SPEM3: variants seen among roughly 807,000 people sequenced by gnomAD.
The protein encoded by SPEM3 is SPEM family member 3.
In SPEM3 at chr17:7,431,400, C is replaced by T. The variant is rs1907827956; in HGVS notation, c.2229C>T (p.Asp743=). Residue 743 remains aspartate (D), a synonymous_variant, in exon 3 of 3, where the codon GAC becomes GAT. Coordinates refer to ENST00000636696, the MANE Select transcript of SPEM3 (RefSeq NM_001364708.1). Reference sequence around the variant, plus strand: ...GCCAGAATCCAAGCCCTTCTCAAGACTTTGGTCTTCACAAGAATTCAGGCA... The same window carrying T: ...GCCAGAATCCAAGCCCTTCTCAAGATTTTGGTCTTCACAAGAATTCAGGCA... The part of the protein sequence containing the change: ...YLCQNPSPSQ[D]FGLHKNSGIT... The T allele has an allele frequency of 5.0e-6, 2 of 398,568 alleles. No homozygotes were observed. The highest frequency in any genetic ancestry group is 7.1e-5 in the East Asian group (2 of 28,070). 24.7% of individuals were successfully genotyped at this position (398,568 alleles called of 1,614,324 possible). A position where few individuals can be genotyped will look rare whatever the true frequency, so the allele number is the denominator to read the frequency against.
chr17:7,431,884 T>C lies in SPEM3; in HGVS notation c.2713T>C (p.Cys905Arg). Reference protein sequence around the residue: ...GLVQTSGLPKCSGLTQNSGDY... With the variant: ...GLVQTSGLPKRSGLTQNSGDY... ...TGTCCAAACCTCTGGCCTCCCAAAG[T>C]GCTCAGGCCTTACCCAAAACTCAGG... The change falls in exon 3 of 3, where the codon TGC becomes CGC. Residue 905 changes from cysteine to arginine, a missense_variant. By Grantham distance (180) the Cys-to-Arg change is radical. Transcript: ENST00000636696. The C allele has an allele frequency of 2.5e-6, 1 of 397,974 alleles. No individual in the cohort carries two copies. The highest frequency in any genetic ancestry group is 4.4e-6 in the Non-Finnish European group (1 of 225,890). 24.7% of individuals were successfully genotyped at this position (397,974 alleles called of 1,614,324 possible).
Position 7,429,305 on chromosome 17 carries a change from C to T in SPEM3, c.196+58C>T. 5.0e-6 allele frequency: 2 copies of T among 398,560 alleles called. No homozygotes were observed. Among genetic ancestry groups the T allele is most frequent in the Non-Finnish European group, 8.8e-6 (2 of 226,048 alleles). The allele number at this position is 398,560 out of a possible 1,614,324, so 24.7% of individuals were successfully genotyped here. On this transcript the variant is annotated intron_variant, in intron 2 of 2. Coordinates refer to ENST00000636696, the MANE Select transcript of SPEM3 (RefSeq NM_001364708.1). The surrounding 1 kb of genome is among the most constrained non-coding windows in gnomAD (Gnocchi z 4.9). Reference sequence around the variant, plus strand: ...ATGGGCCTGTCCCCTTTCTCCTATCCCTGGCCCAGTTCTTAGTCCCTAGGG... The same window carrying T: ...ATGGGCCTGTCCCCTTTCTCCTATCTCTGGCCCAGTTCTTAGTCCCTAGGG...
Position 7,432,411 on chromosome 17 carries a change from C to G in SPEM3, c.3240C>G (p.Ser1080=). The G allele has an allele frequency of 2.5e-6, 1 of 398,666 alleles. No individual in the cohort carries two copies. Among genetic ancestry groups the G allele is most frequent in the Non-Finnish European group, 4.4e-6 (1 of 226,086 alleles). 24.7% of individuals were successfully genotyped at this position (398,666 alleles called of 1,614,324 possible). ...RVQLNENSCP[S]KAQVVSNDLQ... The stretch of plus-strand genomic sequence containing the variant: ...AACTCAATGAGAACTCCTGCCCTTC[C>G]AAGGCCCAAGTGGTCTCCAATGACC... Residue 1080 remains serine, a synonymous_variant, in exon 3 of 3, where the codon TCC becomes TCG. Transcript: ENST00000636696. The surrounding 1 kb of genome is among the most constrained non-coding windows in gnomAD (Gnocchi z 4.1).
At position 7,431,641 on chromosome 17, in the gene SPEM3, C is replaced by G; in HGVS notation, c.2470C>G (p.Leu824Val). Residue 824 changes from leucine to valine, a missense_variant, in exon 3 of 3, where the codon CTC becomes GTC. By Grantham distance (32) the Leu-to-Val change is conservative. Coordinates refer to ENST00000636696, the MANE Select transcript of SPEM3 (RefSeq NM_001364708.1). ...QETVIYKNQDLSQATDHQKNL... is the reference protein window; with the variant it reads ...QETVIYKNQDVSQATDHQKNL... The stretch of plus-strand genomic sequence containing the variant: ...GACTGTGATCTACAAAAATCAAGAT[C>G]TCTCCCAAGCAACTGACCACCAAAA... 2.5e-6 allele frequency: 1 copy of G among 398,586 alleles called. No homozygotes were observed. Among genetic ancestry groups the G allele is most frequent in the Non-Finnish European group, 4.4e-6 (1 of 226,062 alleles). The allele number at this position is 398,586 out of a possible 1,614,324, so 24.7% of individuals were successfully genotyped here.
In SPEM3 at chr17:7,430,680, T is replaced by G. The variant is rs535252816; in HGVS notation, c.1509T>G (p.Asp503Glu). The G allele has an allele frequency of 5.0e-6, 2 of 398,648 alleles. No individual in the cohort carries two copies. The highest frequency in any genetic ancestry group is 4.1e-5 in the African/African-American group (2 of 48,720). The allele number at this position is 398,648 out of a possible 1,614,324, so 24.7% of individuals were successfully genotyped here. A position where few individuals can be genotyped will look rare whatever the true frequency, so the allele number is the denominator to read the frequency against. ...ISEQTKQCSGDSAKLPAGSIL... is the reference protein window; with the variant it reads ...ISEQTKQCSGESAKLPAGSIL... Reference sequence around the variant, plus strand: ...AGCAAACAAAGCAATGCAGTGGGGATAGTGCCAAGCTTCCTGCAGGATCCA... The same window carrying G: ...AGCAAACAAAGCAATGCAGTGGGGAGAGTGCCAAGCTTCCTGCAGGATCCA... The change falls in exon 3 of 3, where the codon GAT (aspartate) becomes GAG (glutamate). Residue 503 changes from aspartate (D) to glutamate (E), a missense_variant. Coordinates refer to ENST00000636696, the MANE Select transcript of SPEM3 (RefSeq NM_001364708.1).
Position 7,432,520 on chromosome 17 carries a change from C to T in SPEM3, c.3349C>T (p.Pro1117Ser). Residue 1117 changes from proline to serine, a missense_variant, in exon 3 of 3, where the codon CCT becomes TCT. By Grantham distance (74) the Pro-to-Ser change is moderately conservative (BLOSUM62 -1). Transcript: ENST00000636696. This position sits in a 1 kb window ranked among gnomAD's most constrained non-coding sequence, Gnocchi z 4.1. ...AGGCAGCCAGCACGGGGCGTACCGC[C>T]CTGTGGATACAGTTCCTTCAGGCTA... The part of the protein sequence containing the change: ...RAGSQHGAYR[P>S]VDTVPSGYQN... The T allele has an allele frequency of 2.5e-6, 1 of 398,720 alleles. No individual in the cohort carries two copies. Among genetic ancestry groups the T allele is most frequent in the Non-Finnish European group, 4.4e-6 (1 of 226,108 alleles). The allele number at this position is 398,720 out of a possible 1,614,324, so 24.7% of individuals were successfully genotyped here.
Position 7,430,038 on chromosome 17 carries a change from G to A in SPEM3, c.867G>A (p.Pro289=), listed in dbSNP as rs545790949. 1.8e-3 allele frequency: 716 copies of A among 407,128 alleles called. 8 individuals are homozygous for A. Among genetic ancestry groups the A allele is most frequent in the Non-Finnish European group, 2.7e-4 (62 of 233,236 alleles). The allele number at this position is 407,128 out of a possible 1,614,324, so 25.2% of individuals were successfully genotyped here. Residue 289 remains proline, a synonymous_variant, in exon 3 of 3, where the codon CCG becomes CCA. Coordinates refer to ENST00000636696, the MANE Select transcript of SPEM3 (RefSeq NM_001364708.1). ...AAGCTCACACCCCAGCCCCTACACC[G>A]GCCAAGGCCTCAGCTCACACTAAAG... ...HIQAHTPAPT[P]AKASAHTKAH...
rs1907799385 is a variant in SPEM3, at chr17:7,430,539, A to G, written c.1368A>G (p.Glu456=). 1 of 398,818 alleles carries G rather than the reference A, an allele frequency of 2.5e-6. No individual in the cohort carries two copies. The highest frequency in any genetic ancestry group is 1.3e-4 in the South Asian group (1 of 7,884). 24.7% of individuals were successfully genotyped at this position (398,818 alleles called of 1,614,324 possible). A position where few individuals can be genotyped will look rare whatever the true frequency, so the allele number is the denominator to read the frequency against. Residue 456 remains glutamate, a synonymous_variant, in exon 3 of 3, where the codon GAA becomes GAG. Coordinates refer to ENST00000636696, the MANE Select transcript of SPEM3 (RefSeq NM_001364708.1). ...ATGTGGTCTATGATGCCCGCAGGGA[A>G]AAGCAGAATTTCTTCCATATGTCCA... ...TGHVVYDARR[E]KQNFFHMSSP...
chr17:7,429,999 G>A lies in SPEM3; in HGVS notation c.828G>A (p.Thr276=), dbSNP rs942071447. 1.1e-4 allele frequency: 46 copies of A among 406,016 alleles called. No homozygotes were observed. The highest frequency in any genetic ancestry group is 1.8e-4 in the South Asian group (2 of 11,382). 25.2% of individuals were successfully genotyped at this position (406,016 alleles called of 1,614,324 possible). A position where few individuals can be genotyped will look rare whatever the true frequency, so the allele number is the denominator to read the frequency against. ...AHTSAPTPAQ[T]PAHIQAHTPA... ...CCTCAGCCCCTACCCCAGCTCAGAC[G>A]CCAGCCCACATCCAAGCTCACACCC... Residue 276 remains threonine (T), a synonymous_variant, in exon 3 of 3, where the codon ACG becomes ACA. Coordinates refer to ENST00000636696, the MANE Select transcript of SPEM3 (RefSeq NM_001364708.1). This position sits in a 1 kb window ranked among gnomAD's most constrained non-coding sequence, Gnocchi z 4.9.
rs1907869449 is a variant in SPEM3 at position 7,432,696 on chromosome 17, G to A, written c.3525G>A (p.Arg1175=). The change falls in exon 3 of 3, where the codon AGG becomes AGA. Residue 1175 remains arginine, a synonymous_variant. Transcript: ENST00000636696. The surrounding 1 kb of genome is among the most constrained non-coding windows in gnomAD (Gnocchi z 4.1). ...ACAAGTGTGAAGCTCTGTCTCCTAG[G>A]CGCCTTCATCAAGAGGCACCCAGCA... ...GKDKCEALSP[R]RLHQEAPSNS... 1 of 398,548 alleles carries A rather than the reference G, an allele frequency of 2.5e-6. No homozygotes were observed. The highest frequency in any genetic ancestry group is 4.4e-5 in the Admixed American group (1 of 22,714). 24.7% of individuals were successfully genotyped at this position (398,548 alleles called of 1,614,324 possible).
At position 7,431,531 on chromosome 17, in the gene SPEM3, C is replaced by T. The variant is rs1418715510; in HGVS notation, c.2360C>T (p.Pro787Leu). 5 of 398,444 alleles carry T rather than the reference C, an allele frequency of 1.3e-5. No individual in the cohort carries two copies. Among genetic ancestry groups the T allele is most frequent in the African/African-American group, 8.2e-5 (4 of 48,612 alleles). 24.7% of individuals were successfully genotyped at this position (398,444 alleles called of 1,614,324 possible). ...TQSPGLHKKTPFTQTSDLQRS... is the reference protein window; with the variant it reads ...TQSPGLHKKTLFTQTSDLQRS... Reference sequence around the variant, plus strand: ...TCCCCTGGCCTCCACAAGAAAACACCATTTACCCAAACTTCTGATCTTCAG... The same window carrying T: ...TCCCCTGGCCTCCACAAGAAAACACTATTTACCCAAACTTCTGATCTTCAG... Residue 787 changes from proline to leucine, a missense_variant, in exon 3 of 3, where the codon CCA becomes CTA. Transcript: ENST00000636696.
At position 7,430,997 on chromosome 17, in the gene SPEM3, C is replaced by T; in HGVS notation, c.1826C>T (p.Pro609Leu). ...GTTCCTCCCAGATCCTTTGTCCCTC[C>T]TCAACCCACCAACCATCAGAGGCCT... ...PLVPPRSFVP[P>L]QPTNHQRPST... The change falls in exon 3 of 3, where the codon CCT becomes CTT. Residue 609 changes from proline to leucine, a missense_variant. Physicochemically the swap from Pro to Leu is moderately conservative, Grantham distance 98 (BLOSUM62 -3). Transcript: ENST00000636696. 2.5e-6 allele frequency: 1 copy of T among 398,962 alleles called. No individual in the cohort carries two copies. Among genetic ancestry groups the T allele is most frequent in the Non-Finnish European group, 4.4e-6 (1 of 226,298 alleles). 24.7% of individuals were successfully genotyped at this position (398,962 alleles called of 1,614,324 possible).
At position 7,432,797 on chromosome 17, in the gene SPEM3, T is replaced by C. The variant is rs1366625947; in HGVS notation, c.*35T>C. The C allele has an allele frequency of 5.0e-6, 2 of 398,256 alleles. No homozygotes were observed. Among genetic ancestry groups the C allele is most frequent in the Non-Finnish European group, 8.8e-6 (2 of 226,078 alleles). The allele number at this position is 398,256 out of a possible 1,614,324, so 24.7% of individuals were successfully genotyped here. Reference sequence around the variant, plus strand: ...TGGACAAAGAGGGGACAAAAGTGCATCAGGAATAAAGAGGCGAGAGAAATG... The same window carrying C: ...TGGACAAAGAGGGGACAAAAGTGCACCAGGAATAAAGAGGCGAGAGAAATG... On this transcript the variant is annotated 3_prime_UTR_variant, in exon 3 of 3. Transcript: ENST00000636696. The surrounding 1 kb of genome is among the most constrained non-coding windows in gnomAD (Gnocchi z 4.1).
chr17:7,431,926 G>T lies in SPEM3; in HGVS notation c.2755G>T (p.Gly919Ter). The change falls in exon 3 of 3, where the codon GGA (glycine) becomes TGA (stop). Residue 919 changes from glycine (G) to a stop codon, truncating the protein, a stop_gained. Transcript: ENST00000636696. LOFTEE classifies it low-confidence loss of function (END_TRUNC). ...AAACTCAGGAGACTACAAGAATCCA[G>T]GACTTATCCAAGATTGTGGTGGCCA... ...TQNSGDYKNP[G>*]LIQDCGGHKV... 5.0e-6 allele frequency: 2 copies of T among 398,350 alleles called. No individual in the cohort carries two copies. Among genetic ancestry groups the T allele is most frequent in the Non-Finnish European group, 4.4e-6 (1 of 226,032 alleles). The allele number at this position is 398,350 out of a possible 1,614,324, so 24.7% of individuals were successfully genotyped here. A position where few individuals can be genotyped will look rare whatever the true frequency, so the allele number is the denominator to read the frequency against.
rs989932021 is a variant in SPEM3, at chr17:7,429,608, C to T, written c.437C>T (p.Ala146Val). ...PRESARGLYKAGMMGGGEAPQ... is the reference protein window; with the variant it reads ...PRESARGLYKVGMMGGGEAPQ... ...GAGTCTGCACGGGGACTGTACAAGG[C>T]GGGGATGATGGGCGGGGGAGAAGCC... Residue 146 changes from alanine (A) to valine (V), a missense_variant, in exon 3 of 3, where the codon GCG (alanine) becomes GTG (valine). Coordinates refer to ENST00000636696, the MANE Select transcript of SPEM3 (RefSeq NM_001364708.1). This position sits in a 1 kb window ranked among gnomAD's most constrained non-coding sequence, Gnocchi z 4.9. The T allele has an allele frequency of 2.5e-6, 1 of 398,810 alleles. No homozygotes were observed. The highest frequency in any genetic ancestry group is 4.4e-6 in the Non-Finnish European group (1 of 226,266). 24.7% of individuals were successfully genotyped at this position (398,810 alleles called of 1,614,324 possible).
chr17:7,430,146 C>T lies in SPEM3; in HGVS notation c.975C>T (p.His325=), dbSNP rs1364833286. 1.9e-5 allele frequency: 8 copies of T among 419,774 alleles called. No individual in the cohort carries two copies. Among genetic ancestry groups the T allele is most frequent in the African/African-American group, 6.2e-5 (3 of 48,614 alleles). The allele number at this position is 419,774 out of a possible 1,614,324, so 26.0% of individuals were successfully genotyped here. A position where few individuals can be genotyped will look rare whatever the true frequency, so the allele number is the denominator to read the frequency against. The change falls in exon 3 of 3, where the codon CAC becomes CAT. Residue 325 remains histidine (H), a synonymous_variant. Coordinates refer to ENST00000636696, the MANE Select transcript of SPEM3 (RefSeq NM_001364708.1). ...YTHSQAHSPE[H]TSAHSPAQAP... is the part of the protein sequence containing the mutation. The stretch of plus-strand genomic sequence containing the variant: ...ACTCCCAGGCCCACAGCCCTGAACA[C>T]ACCTCAGCCCACTCCCCAGCCCAGG...
rs908148194 is a variant in SPEM3, at chr17:7,428,902, C to T, written c.-1C>T. On this transcript the variant is annotated 5_prime_UTR_variant, in exon 1 of 3. Transcript: ENST00000636696. The stretch of plus-strand genomic sequence containing the variant: ...CCTAGGCAGTCCTGGGACCCCAGGC[C>T]ATGGGTGAGCGAGCCTATCATGGGG... 2.5e-6 allele frequency: 1 copy of T among 398,724 alleles called. No individual in the cohort carries two copies. The highest frequency in any genetic ancestry group is 4.4e-6 in the Non-Finnish European group (1 of 226,116). The allele number at this position is 398,724 out of a possible 1,614,324, so 24.7% of individuals were successfully genotyped here.
At position 7,430,379 on chromosome 17, in the gene SPEM3, G is replaced by A. The variant is rs1907794638; in HGVS notation, c.1208G>A (p.Ser403Asn). The A allele has an allele frequency of 2.4e-6, 1 of 415,910 alleles. No individual in the cohort carries two copies. Among genetic ancestry groups the A allele is most frequent in the Non-Finnish European group, 4.2e-6 (1 of 236,774 alleles). The allele number at this position is 415,910 out of a possible 1,614,324, so 25.8% of individuals were successfully genotyped here. A position where few individuals can be genotyped will look rare whatever the true frequency, so the allele number is the denominator to read the frequency against. The change falls in exon 3 of 3, where the codon AGC becomes AAC. Residue 403 changes from serine to asparagine, a missense_variant. By Grantham distance (46) the Ser-to-Asn change is conservative (BLOSUM62 1). Coordinates refer to ENST00000636696, the MANE Select transcript of SPEM3 (RefSeq NM_001364708.1). ...GCCCCTGTCCCAGCCTCTGCCCCCAGCCCTGCTCCAGCACTGGTCATGGCC... is the reference window on the plus strand; with the variant it reads ...GCCCCTGTCCCAGCCTCTGCCCCCAACCCTGCTCCAGCACTGGTCATGGCC... ...TPAPVPASAP[S>N]PAPALVMALT...
In SPEM3 at chr17:7,431,599, C is replaced by G. The variant is rs1907834746; in HGVS notation, c.2428C>G (p.Leu810Val). The G allele has an allele frequency of 2.5e-6, 1 of 398,456 alleles. No homozygotes were observed. Among genetic ancestry groups the G allele is most frequent in the Admixed American group, 4.4e-5 (1 of 22,710 alleles). The allele number at this position is 398,456 out of a possible 1,614,324, so 24.7% of individuals were successfully genotyped here. A position where few individuals can be genotyped will look rare whatever the true frequency, so the allele number is the denominator to read the frequency against. ...FTQDSGIYRN[L>V]EPNQETVIYK... ...ACAAGACTCTGGAATCTATAGGAATCTTGAACCAAACCAAGAGACTGTGAT... is the reference window on the plus strand; with the variant it reads ...ACAAGACTCTGGAATCTATAGGAATGTTGAACCAAACCAAGAGACTGTGAT... Residue 810 changes from leucine (L) to valine (V), a missense_variant, in exon 3 of 3, where the codon CTT (leucine) becomes GTT (valine). Leu to Val is a conservative substitution (Grantham distance 32). Coordinates refer to ENST00000636696, the MANE Select transcript of SPEM3 (RefSeq NM_001364708.1).
Sources: gnomAD v4.1 joint callset for allele counts on GRCh38, gnomAD v4.1.1 for gene constraint, Gnocchi (gnomAD v3.1) non-coding constraint, MANE v1.5 for transcripts, NCBI Gene and HGNC (gene_info 2026-07-23, HGNC 2026-07-21) for gene names.